The following RBFOX1 variants were observed in gnomAD, a reference collection of about 807,000 sequenced individuals.
RBFOX1 encodes the protein RNA binding fox-1 homolog 1, also known as RNA binding protein fox-1 homolog 1.
In RBFOX1, 8 loss-of-function variants were observed where a neutral mutation model predicts 57.7. That is an observed-to-expected ratio of 0.14 (90% confidence interval 0.08 to 0.25). The LOEUF is 0.25. Ranked by LOEUF, RBFOX1 falls within the 10% of genes least tolerant of loss-of-function variation. RBFOX1 has a pLI of 1.00. For missense variants in RBFOX1, 611 were observed against 548.5 expected, an observed-to-expected ratio of 1.11 and a Z score of -1.14; for synonymous variants, 326 against 222.4, an observed-to-expected ratio of 1.47 and a Z score of -4.15.
At chr16:6,786,980 G>A (rs961531261) in intron 3 of RBFOX1, among the ~76,000 whole-genome samples, 9 of 152,096 alleles carry the variant, frequency 5.9e-5, no homozygotes, top group East Asian at 1.9e-4. Context: ...CCTCTGCACA[G>A]GTCACCCATC....
intron 4 of RBFOX1, among the ~76,000 whole-genome samples, chr16:7,181,605 C>G (rs112259623): frequency 2.6e-5 from 4 of 151,878 alleles, no homozygotes; most frequent in African/African-American, 9.7e-5. Context: ...CTCTGTTGCC[C>G]AGGCTGGAGT....
chr16:5,376,990 C>G (rs904434849), intron 1 of RBFOX1, among the ~76,000 whole-genome samples: 9 of 150,856 alleles, frequency 6.0e-5, no homozygotes, highest in African/African-American at 2.0e-4. Context: ...AGGGGCTTAC[C>G]TGCTAAATAA....
intron 4 of RBFOX1, among the ~76,000 whole-genome samples, chr16:7,207,897 T>C (rs74982935): frequency 0.017 from 2,561 of 152,244 alleles, 76 homozygotes; most frequent in African/African-American, 0.059. Flanking sequence ...ACAGTGAGAG[T>C]TGAACTCCAC....
At chr16:5,840,186 C>G (rs1273024086) in intron 3 of RBFOX1, among the ~76,000 whole-genome samples, 1 of 152,220 alleles carries the variant, frequency 6.6e-6, no homozygotes, top group African/African-American at 2.4e-5. Context: ...CACTGAGTCA[C>G]AAACCCAGTG....
intron 1 of RBFOX1, among the ~76,000 whole-genome samples, chr16:5,301,074 A>G (rs549718870): frequency 2.0e-5 from 3 of 152,290 alleles, no homozygotes; most frequent in East Asian, 1.9e-4. Context: ...AACTAAATCT[A>G]GTGACTCACT....
chr16:7,402,250 A>T (rs1460760786), intron 4 of RBFOX1, among the ~76,000 whole-genome samples: 1 of 152,214 alleles, frequency 6.6e-6, no homozygotes, highest in Non-Finnish European at 1.5e-5. Context: ...GGGAGGGTCA[A>T]CTAAGTTATT....
chr16:7,331,105 C>G (rs17671597), intron 4 of RBFOX1, among the ~76,000 whole-genome samples: 58,131 of 151,986 alleles, frequency 0.38, 13,852 homozygotes, highest in East Asian at 0.65. Flanking sequence ...AATTCTCTGC[C>G]AAACCCTGTC....
intron 4 of RBFOX1, among the ~76,000 whole-genome samples, chr16:7,329,249 T>C (rs1191139479): frequency 1.3e-5 from 2 of 152,196 alleles, no homozygotes; most frequent in Non-Finnish European, 2.9e-5. Context: ...CTTCCGTATG[T>C]TTCAGGGATC....
Position 5,384,841 on chromosome 16 carries a change from A to G in RBFOX1, c.220-82375A>G, listed in dbSNP as rs143377239. On this transcript the variant is annotated intron_variant, in intron 1 of 2. Transcript: ENST00000585867. ...AAATGTGCCTCATGTATAAATGTGC[A>G]TATTCATCGTAGTGATTCCTACCTC... 2.9e-3 allele frequency among the ~76,000 whole-genome samples: 446 copies of G among 152,266 alleles called. 6 individuals carry two copies. Among genetic ancestry groups the G allele is most frequent in the South Asian group, 0.023 (113 of 4,824 alleles).
intron 4 of RBFOX1, among the ~76,000 whole-genome samples, chr16:7,104,573 T>C (rs1345397302): frequency 1.3e-5 from 2 of 152,116 alleles, no homozygotes; most frequent in Admixed American, 6.6e-5. Flanking sequence ...GGGCTGAAAA[T>C]GTTGGGCTTC....
At chr16:6,959,196 C>G (rs891277677) in intron 3 of RBFOX1, among the ~76,000 whole-genome samples, 1 of 152,160 alleles carries the variant, frequency 6.6e-6, no homozygotes, top group South Asian at 2.1e-4. Flanking sequence ...AATACTCGCT[C>G]GATTTCAGAT....
chr16:5,657,621 TCTC>T (rs2049473679), intron 3 of RBFOX1, among the ~76,000 whole-genome samples: 1 of 37,032 alleles, frequency 2.7e-5, no homozygotes, highest in African/African-American at 1.3e-4. Context: ...TCTTTCTTTC[TCTC>T]TTTCTTTCTT....
intron 3 of RBFOX1, among the ~76,000 whole-genome samples, chr16:6,822,623 G>A (rs1305786124): frequency 6.6e-6 from 1 of 152,176 alleles, no homozygotes; most frequent in Admixed American, 6.5e-5. Context: ...GGCAGATGAA[G>A]CTGCTCATAA....
chr16:6,761,421 C>G (rs1422282668), intron 3 of RBFOX1, among the ~76,000 whole-genome samples: 3 of 150,138 alleles, frequency 2.0e-5, no homozygotes, highest in Admixed American at 6.7e-5. Context: ...TAAGCATAAA[C>G]TCAAGGTAAC....
At chr16:6,275,662 T>C (rs985828555) in intron 1 of RBFOX1, among the ~76,000 whole-genome samples, 19 of 152,180 alleles carry the variant, frequency 1.2e-4, no homozygotes, top group Admixed American at 1.3e-4. Flanking sequence ...CATTATTTGA[T>C]ATAATAATGG....
At chr16:6,491,325 A>C (rs928159936) in intron 2 of RBFOX1, among the ~76,000 whole-genome samples, 6 of 152,154 alleles carry the variant, frequency 3.9e-5, no homozygotes, top group Non-Finnish European at 8.8e-5. Flanking sequence ...CCGCATCTTA[A>C]GGTGAGCCTC....
chr16:7,177,427 T>C (rs1200246313), intron 4 of RBFOX1, among the ~76,000 whole-genome samples: 1 of 151,858 alleles, frequency 6.6e-6, no homozygotes, highest in Non-Finnish European at 1.5e-5. Flanking sequence ...CCTTAAACAT[T>C]CTATGCATGT....
At chr16:6,290,993 AT>A (rs1328606893) in intron 1 of RBFOX1, among the ~76,000 whole-genome samples, 4 of 152,142 alleles carry the variant, frequency 2.6e-5, no homozygotes, top group African/African-American at 9.7e-5. Flanking sequence ...TTTCTTGATG[AT>A]ATGCCAAACA....
chr16:7,040,208 A>T (rs895231962), intron 3 of RBFOX1, among the ~76,000 whole-genome samples: 2 of 151,674 alleles, frequency 1.3e-5, no homozygotes, highest in Non-Finnish European at 2.9e-5. Context: ...TTTAGTAGAG[A>T]CGGGGTTTCA....
Sources: gnomAD v4.1 joint callset for allele counts (sites outside exome capture counted in the v4.1 genomes callset) on GRCh38, gnomAD v4.1.1 for gene constraint, MANE v1.5 for transcripts, NCBI Gene and HGNC (gene_info 2026-07-23, HGNC 2026-07-21) for gene names.